Variants in NUDCD1 observed in about 807,000 individuals in gnomAD.
NUDCD1 encodes nudC domain-containing protein 1.
Under a neutral mutation model 67.8 loss-of-function variants are expected in NUDCD1, and 60 were observed. The observed-to-expected ratio is 0.88, with a 90% CI of 0.72 to 1.10. NUDCD1 has a LOEUF of 1.10. NUDCD1 is among the 50% of genes least tolerant of loss of function. NUDCD1 has a pLI of 0.00. For synonymous variants in NUDCD1, 244 were observed against 230.8 expected, an observed-to-expected ratio of 1.06 and a Z score of -0.52; for missense variants, 643 against 695.0, an observed-to-expected ratio of 0.93 and a Z score of 0.84.
At chr8:109,268,883 T>C (rs1814073406) in intron 8 of NUDCD1, among the ~76,000 whole-genome samples, 1 of 152,144 alleles carries the variant, frequency 6.6e-6, no homozygotes, top group Non-Finnish European at 1.5e-5. Flanking sequence ...TGTATGGGAT[T>C]ATGTCAAAAC....
At chr8:109,317,216 T>C (rs1310049537) in intron 2 of NUDCD1, among the ~76,000 whole-genome samples, 2 of 152,162 alleles carry the variant, frequency 1.3e-5, no homozygotes, top group Non-Finnish European at 2.9e-5. Flanking sequence ...GAACTGGCAC[T>C]GAAAATGATA....
intron 6 of NUDCD1, among the ~76,000 whole-genome samples, chr8:109,280,194 G>A (rs780868864): frequency 7.9e-5 from 12 of 152,244 alleles, no homozygotes; most frequent in Non-Finnish European, 7.4e-5. Context: ...ATAAAATACC[G>A]TGATGTCATA....
Position 109,300,503 on chromosome 8 carries a change from A to G in NUDCD1, c.274-3934T>C, listed in dbSNP as rs564230760. On this transcript the variant is annotated intron_variant, in intron 2 of 9. Transcript: ENST00000239690. Reference sequence around the variant, plus strand: ...TCAAACAAGTAGAAGAAAGAAATTCAGAGCTCGAAGACAAGGTCTTTGAAT... The same window carrying G: ...TCAAACAAGTAGAAGAAAGAAATTCGGAGCTCGAAGACAAGGTCTTTGAAT... Among the ~76,000 whole-genome samples, 4 of 152,340 alleles carry G rather than the reference A, an allele frequency of 2.6e-5. No homozygotes were observed. The East Asian group carries it at 7.7e-4, about 29-fold the overall frequency.
At chr8:109,287,593 A>G (rs1029236049) in intron 5 of NUDCD1, among the ~76,000 whole-genome samples, 1 of 152,144 alleles carries the variant, frequency 6.6e-6, no homozygotes, top group East Asian at 1.9e-4. Flanking sequence ...AACACTGGGT[A>G]CTCATGGACA....
chr8:109,242,478 A>G lies in NUDCD1; in HGVS notation c.*531T>C, dbSNP rs1436390449. On this transcript the variant is annotated 3_prime_UTR_variant, in exon 10 of 10. Coordinates refer to ENST00000239690, the MANE Select transcript of NUDCD1 (RefSeq NM_032869.4). ...AACTGGCTAAAAGTTACATAAAGCT[A>G]TACTTAATTTGAAAATAATAATAAA... 4 of 218,924 alleles carry G rather than the reference A, an allele frequency of 1.8e-5. No individual in the cohort carries two copies. Among genetic ancestry groups the G allele is most frequent in the Non-Finnish European group, 3.5e-5 (4 of 112,780 alleles). 13.6% of individuals were successfully genotyped at this position (218,924 alleles called of 1,614,324 possible). A position where few individuals can be genotyped will look rare whatever the true frequency, so the allele number is the denominator to read the frequency against.
At position 109,296,377 on chromosome 8, in the gene NUDCD1, C is replaced by A. The variant is rs1425732228; in HGVS notation, c.459+7G>T. ...GGACTTCGCATAAGTCTTAAACAAA[C>A]CCTCACCTCCCATTTTTCAGAAGCG... On this transcript the variant is annotated splice_region_variant and intron_variant, in intron 3 of 9. Transcript: ENST00000239690. 10 of 1,589,354 alleles carry A rather than the reference C, an allele frequency of 6.3e-6. No homozygotes were observed. The highest frequency in any genetic ancestry group is 8.6e-6 in the Non-Finnish European group (10 of 1,158,342).
At chr8:109,282,369 A>G (rs540054981) in intron 5 of NUDCD1, among the ~76,000 whole-genome samples, 14 of 152,130 alleles carry the variant, frequency 9.2e-5, no homozygotes, top group Admixed American at 2.6e-4. Flanking sequence ...CCAATATACA[A>G]CCTGCCAACA....
intron 1 of NUDCD1, among the ~76,000 whole-genome samples, chr8:109,330,486 G>A (rs1470503417): frequency 6.6e-6 from 1 of 152,200 alleles, no homozygotes; most frequent in Non-Finnish European, 1.5e-5. Flanking sequence ...AGAAATGATA[G>A]TTTTTAAACA....
chr8:109,301,540 C>T (rs548622256), intron 2 of NUDCD1, among the ~76,000 whole-genome samples: 1 of 152,344 alleles, frequency 6.6e-6, no homozygotes, highest in Admixed American at 6.5e-5. Flanking sequence ...CTTTGGGAGA[C>T]CAGTCCTCTG....
chr8:109,262,575 T>A (rs1354829562), intron 8 of NUDCD1, among the ~76,000 whole-genome samples: 1 of 152,182 alleles, frequency 6.6e-6, no homozygotes, highest in Non-Finnish European at 1.5e-5. Flanking sequence ...CTGTGGTTAT[T>A]CAGCTCAAAC....
At chr8:109,290,241 T>C (rs1814678656) in intron 4 of NUDCD1, among the ~76,000 whole-genome samples, 1 of 152,172 alleles carries the variant, frequency 6.6e-6, no homozygotes, top group African/African-American at 2.4e-5. Flanking sequence ...ACTAGCCACA[T>C]TTTAATTGCT....
chr8:109,331,738 T>A (rs1307444367), intron 1 of NUDCD1, among the ~76,000 whole-genome samples: 1 of 152,182 alleles, frequency 6.6e-6, no homozygotes, highest in East Asian at 1.9e-4. Flanking sequence ...AAAAGATAGA[T>A]GAGTAAATGA....
intron 2 of NUDCD1, among the ~76,000 whole-genome samples, chr8:109,311,777 G>C (rs1472944568): frequency 2.6e-5 from 4 of 151,658 alleles, no homozygotes; most frequent in Non-Finnish European, 5.9e-5. Context: ...GGGGGAAAGA[G>C]TGGGAAGCGG....
intron 1 of NUDCD1, among the ~76,000 whole-genome samples, chr8:109,330,695 T>C (rs1053899434): frequency 6.6e-6 from 1 of 152,146 alleles, no homozygotes; most frequent in Non-Finnish European, 1.5e-5. Flanking sequence ...CGCCATGGAA[T>C]ACTATGCAGC....
chr8:109,264,840 C>T (rs1018993857), intron 8 of NUDCD1, among the ~76,000 whole-genome samples: 4 of 150,768 alleles, frequency 2.7e-5, no homozygotes, highest in Admixed American at 2.0e-4. Flanking sequence ...AAAACAATGA[C>T]ATTCCTCCTA....
chr8:109,253,831 A>G (rs1276127517), intron 8 of NUDCD1, among the ~76,000 whole-genome samples: 1 of 152,212 alleles, frequency 6.6e-6, no homozygotes, highest in Non-Finnish European at 1.5e-5. Flanking sequence ...AGACACAGAA[A>G]ATATCAATAT....
intron 2 of NUDCD1, among the ~76,000 whole-genome samples, chr8:109,305,181 G>C (rs1036057604): frequency 6.6e-6 from 1 of 152,062 alleles, no homozygotes; most frequent in Non-Finnish European, 1.5e-5. Context: ...CCCCGGACTG[G>C]CAAATTGACT....
chr8:109,319,194 C>T (rs1392553056), intron 2 of NUDCD1, among the ~76,000 whole-genome samples: 1 of 152,012 alleles, frequency 6.6e-6, no homozygotes, highest in Non-Finnish European at 1.5e-5. Flanking sequence ...AGGATGGTCT[C>T]GATCTCCTAA....
At chr8:109,275,581 C>T (rs1226043607) in intron 6 of NUDCD1, 85 bp from the exon 7 acceptor site, 1 of 1,275,426 alleles carries the variant, frequency 7.8e-7, no homozygotes, top group African/African-American at 1.5e-5. Flanking sequence ...TTGTTTCTAT[C>T]TTCTATAGAA....
Sources: gnomAD v4.1 joint callset for allele counts (sites outside exome capture counted in the v4.1 genomes callset) on GRCh38, gnomAD v4.1.1 for gene constraint, MANE v1.5 for transcripts, NCBI Gene and HGNC (gene_info 2026-07-23, HGNC 2026-07-21) for gene names.